Variants in CBR4 observed in about 807,000 individuals in gnomAD.
CBR4 encodes the protein 3-oxoacyl-[acyl-carrier-protein] reductase.
A neutral mutation model predicts 21.0 loss-of-function variants in CBR4; 22 were observed. The ratio of observed to expected loss-of-function variants is 1.05; its 90% CI spans 0.75 to 1.50. The LOEUF (loss-of-function observed/expected upper bound fraction) is 1.50. CBR4 is among the 40% of genes most tolerant of loss of function. The probability of loss-of-function intolerance (pLI) is 0.00; values close to 1 mark genes in which losing one functional copy is unlikely to be tolerated. For synonymous variants in CBR4, 100 were observed against 104.4 expected (o/e 0.96, Z 0.26); for missense variants, 302 against 286.3 (o/e 1.05, Z -0.40).
At chr4:168,956,200 A>G (rs767665241) in intron 2 of CBR4, among the ~76,000 whole-genome samples, 3 of 152,204 alleles carry the variant, frequency 2.0e-5, no homozygotes, top group African/African-American at 2.4e-5. Flanking sequence ...CTCAGAATGT[A>G]TATCAGCAAA....
At chr4:168,974,978 A>T (rs551948525) in intron 2 of CBR4, among the ~76,000 whole-genome samples, 139 of 152,242 alleles carry the variant, frequency 9.1e-4, no homozygotes, top group African/African-American at 3.3e-3. Flanking sequence ...CTATTAAAGA[A>T]TCTTGTTTTG....
At chr4:168,898,271 CCT>C (rs1410572257) in intron 2 of CBR4, 2 of 576,634 alleles carry the variant, frequency 3.5e-6, no homozygotes, top group Non-Finnish European at 6.2e-6. Flanking sequence ...TTCCTACCCC[CCT>C]CTTTTTGGAT....
chr4:168,948,348 T>C (rs2126695611), intron 2 of CBR4, among the ~76,000 whole-genome samples: 1 of 152,354 alleles, frequency 6.6e-6, no homozygotes, highest in South Asian at 2.1e-4. Context: ...CTGTTCTTTT[T>C]GCCATGCAAA....
Position 168,924,270 on chromosome 4 carries a change from A to T in CBR4, n.170-29505T>A. The T allele has an allele frequency of 6.2e-7, 1 of 1,613,974 alleles. No individual in the cohort carries two copies. Among genetic ancestry groups the T allele is most frequent in the Non-Finnish European group, 8.5e-7 (1 of 1,179,870 alleles). ...GTTTTCTTAGCTAAAGAAGCACACA[A>T]ACCCCCTGTGTTTATTGAGAAGCTC... On this transcript the variant is annotated intron_variant and non_coding_transcript_variant, in intron 2 of 3. Transcript: ENST00000509108.
At chr4:168,977,318 G>A (rs998396752) in intron 2 of CBR4, among the ~76,000 whole-genome samples, 11 of 152,120 alleles carry the variant, frequency 7.2e-5, no homozygotes, top group Non-Finnish European at 1.5e-5. Flanking sequence ...CTTCCTTCAA[G>A]AAAAGTTTAT....
intron 2 of CBR4, among the ~76,000 whole-genome samples, chr4:168,906,921 C>T (rs1757925684): frequency 6.6e-6 from 1 of 152,126 alleles, no homozygotes; most frequent in South Asian, 2.1e-4. Context: ...ACTACAAATA[C>T]CAAGATTGTA....
At chr4:168,947,421 G>A (rs780345500) in intron 2 of CBR4, among the ~76,000 whole-genome samples, 2 of 152,082 alleles carry the variant, frequency 1.3e-5, no homozygotes, top group Non-Finnish European at 1.5e-5. Context: ...CTGGGGTACA[G>A]GTGGTGTTTG....
chr4:168,984,668 A>C (rs1764635981), downstream of CBR4, among the ~76,000 whole-genome samples: 4 of 152,338 alleles, frequency 2.6e-5, no homozygotes, highest in South Asian at 8.3e-4. Flanking sequence ...AATATACTAA[A>C]AGGCTACAGT....
In CBR4 at chr4:169,003,651, C is replaced by A. The variant is rs550396249; in HGVS notation, c.401-1446G>T. On this transcript the variant is annotated intron_variant, in intron 3 of 4. Coordinates refer to ENST00000306193, the MANE Select transcript of CBR4 (RefSeq NM_032783.5). Reference sequence around the variant, plus strand: ...AGAAATCTCTCACGAAATGAAGAGTCAATCAATGTGGCAAATTTTGTCTTA... The same window carrying A: ...AGAAATCTCTCACGAAATGAAGAGTAAATCAATGTGGCAAATTTTGTCTTA... Among the ~76,000 whole-genome samples, 37 of 152,252 alleles carry A rather than the reference C, an allele frequency of 2.4e-4. No homozygotes were observed. In the South Asian group the frequency reaches 7.2e-3, roughly 30 times the overall value.
chr4:168,990,817 C>T lies in CBR4; in HGVS notation c.536-489G>A, dbSNP rs966363939. On this transcript the variant is annotated intron_variant, in intron 4 of 4. Transcript: ENST00000306193. ...ACTGTAATCCCAGCACTTTGGGAGG[C>T]CGAGGTGGGCAGATCACCTGAGGGC... Among the ~76,000 whole-genome samples, 17 of 152,162 alleles carry T rather than the reference C, an allele frequency of 1.1e-4. No individual in the cohort carries two copies. In the East Asian group the frequency reaches 3.3e-3, roughly 30 times the overall value.
chr4:168,911,035 T>C (rs1758841803), intron 2 of CBR4, among the ~76,000 whole-genome samples: 1 of 152,184 alleles, frequency 6.6e-6, no homozygotes, highest in Admixed American at 6.5e-5. Context: ...TATGAGGAAT[T>C]TAATAATGAT....
intron 2 of CBR4, chr4:168,903,701 CA>C: frequency 7.0e-7 from 1 of 1,420,592 alleles, no homozygotes; most frequent in South Asian, 1.2e-5. Flanking sequence ...TTCAGTTCTC[CA>C]AATAGAGTAG....
chr4:168,957,948 A>G (rs1763736165), intron 2 of CBR4, among the ~76,000 whole-genome samples: 1 of 152,278 alleles, frequency 6.6e-6, no homozygotes, highest in South Asian at 2.1e-4. Context: ...CATGTGAAGA[A>G]GGACATGCTT....
chr4:168,983,148 A>G (rs1243360889), downstream of CBR4, among the ~76,000 whole-genome samples: 1 of 152,194 alleles, frequency 6.6e-6, no homozygotes, highest in Non-Finnish European at 1.5e-5. Context: ...AAAAGAATAA[A>G]TAAGATTGAT....
chr4:168,928,344 C>A (rs1235062636), intron 2 of CBR4: 1 of 130,244 alleles, frequency 7.7e-6, no homozygotes, highest in Non-Finnish European at 1.5e-5. Context: ...AAAGTACTAT[C>A]AATCAATCAT....
chr4:168,959,635 G>A (rs1451464226), intron 2 of CBR4, among the ~76,000 whole-genome samples: 5 of 139,404 alleles, frequency 3.6e-5, no homozygotes, highest in African/African-American at 1.4e-4. Context: ...GCATGACCTC[G>A]GCTCACTGCA....
At chr4:168,896,997 A>C (rs1755338726) in intron 2 of CBR4, among the ~76,000 whole-genome samples, 1 of 151,936 alleles carries the variant, frequency 6.6e-6, no homozygotes, top group South Asian at 2.1e-4. Context: ...ATGCCTGGCT[A>C]ATTTTGTATT....
intron 2 of CBR4, among the ~76,000 whole-genome samples, chr4:168,940,147 C>T (rs1763222750): frequency 6.6e-6 from 1 of 152,162 alleles, no homozygotes; most frequent in Non-Finnish European, 1.5e-5. Context: ...ATATCTATAA[C>T]CATCTGATCT....
At chr4:168,966,795 G>C (rs1764051392) in intron 2 of CBR4, among the ~76,000 whole-genome samples, 1 of 152,080 alleles carries the variant, frequency 6.6e-6, no homozygotes, top group African/African-American at 2.4e-5. Flanking sequence ...GAGGCGGGCG[G>C]ATCACAAGGT....
Sources: allele counts gnomAD v4.1 joint callset (sites outside exome capture counted in the v4.1 genomes callset), GRCh38; gene constraint gnomAD v4.1.1; transcripts MANE v1.5; gene names NCBI Gene and HGNC (gene_info 2026-07-23, HGNC 2026-07-21).